Variants in OSBPL8 observed in about 807,000 individuals in gnomAD.
OSBPL8 encodes the protein oxysterol binding protein like 8.
A neutral mutation model predicts 125.5 loss-of-function variants in OSBPL8; 59 were observed. The ratio of observed to expected loss-of-function variants is 0.47; its 90% confidence interval spans 0.38 to 0.58. The LOEUF is 0.58. Ranked by LOEUF, OSBPL8 falls within the 20% of genes least tolerant of loss-of-function variation. OSBPL8 has a pLI of 0.00. For missense variants in OSBPL8, 758 were observed against 1,047.8 expected, an observed-to-expected ratio of 0.72 and a Z score of 3.82; for synonymous variants, 330 against 338.9, an observed-to-expected ratio of 0.97 and a Z score of 0.29.
At chr12:76,483,828 C>T (rs1034665258) in intron 2 of OSBPL8, among the ~76,000 whole-genome samples, 8 of 151,604 alleles carry the variant, frequency 5.3e-5, no homozygotes, top group Admixed American at 1.3e-4. Context: ...GTGCCCGCCA[C>T]GCCACCTGGC....
intron 21 of OSBPL8, among the ~76,000 whole-genome samples, chr12:76,362,350 C>T (rs1221998874): frequency 6.6e-6 from 1 of 152,146 alleles, no homozygotes; most frequent in African/African-American, 2.4e-5. Context: ...AAGTCGGTTT[C>T]ATCCTTGGGA....
In OSBPL8 at chr12:76,392,766, G is replaced by C. The variant is rs752235338; in HGVS notation, c.758-14C>G. 2 of 1,590,024 alleles carry C rather than the reference G, an allele frequency of 1.3e-6. No homozygotes were observed. Among genetic ancestry groups the C allele is most frequent in the South Asian group, 1.1e-5 (1 of 88,386 alleles). On this transcript the variant is annotated splice_polypyrimidine_tract_variant and intron_variant, in intron 9 of 23. Coordinates refer to ENST00000261183, the MANE Select transcript of OSBPL8 (RefSeq NM_020841.5). ...TCCAGCACCTTCCTAAAAGAACACA[G>C]ATTCATAAGCACTATAATTTTTAAA... is the stretch of plus-strand genomic sequence containing the variant.
At chr12:76,492,252 A>G (rs1878797212) in intron 1 of OSBPL8, among the ~76,000 whole-genome samples, 3 of 152,168 alleles carry the variant, frequency 2.0e-5, no homozygotes, top group Admixed American at 1.3e-4. Flanking sequence ...TATCTGAGGG[A>G]AGAGTCTGCA....
Position 76,363,102 on chromosome 12 carries a change from C to G in OSBPL8, c.2329-4291G>C, listed in dbSNP as rs183344945. ...AATCAATATCGTGAAAATGGCCATA[C>G]GGCCATAAGTAATTTACAGATTCAG... On this transcript the variant is annotated intron_variant, in intron 21 of 23. Coordinates refer to ENST00000261183, the MANE Select transcript of OSBPL8 (RefSeq NM_020841.5). Among the ~76,000 whole-genome samples the G allele has an allele frequency of 1.4e-3, 206 of 152,326 alleles. 1 individual carries two copies. Among genetic ancestry groups the G allele is most frequent in the Admixed American group, 2.4e-3 (36 of 15,302 alleles).
At chr12:76,452,039 C>T (rs1218561451) in intron 3 of OSBPL8, among the ~76,000 whole-genome samples, 3 of 151,828 alleles carry the variant, frequency 2.0e-5, no homozygotes, top group Non-Finnish European at 4.4e-5. Flanking sequence ...ATCGCTTGAA[C>T]CTGGGGGGCA....
chr12:76,458,981 G>A lies in OSBPL8; in HGVS notation c.79+878C>T, dbSNP rs1351004259. On this transcript the variant is annotated intron_variant, in intron 3 of 23. Coordinates refer to ENST00000261183, the MANE Select transcript of OSBPL8 (RefSeq NM_020841.5). The stretch of plus-strand genomic sequence containing the variant: ...ATTTTCTATATTATTCATCAATGAA[G>A]TTAAAAATCTTCATCTATGATGCAG... Among the ~76,000 whole-genome samples the A allele has an allele frequency of 9.9e-5, 15 of 152,168 alleles. No individual in the cohort carries two copies. In the East Asian group the frequency reaches 2.9e-3, roughly 29 times the overall value.
intron 2 of OSBPL8, chr12:76,486,093 C>T: frequency 2.5e-6 from 1 of 401,582 alleles, no homozygotes; most frequent in Non-Finnish European, 4.9e-6. Context: ...CAAGAATTTC[C>T]ACACCCATTT....
chr12:76,547,660 C>G (rs1344828120), intron 1 of OSBPL8, among the ~76,000 whole-genome samples: 1 of 152,092 alleles, frequency 6.6e-6, no homozygotes, highest in African/African-American at 2.4e-5. Context: ...AGAATAACCC[C>G]TCACCCATCT....
At position 76,373,318 on chromosome 12, in the gene OSBPL8, G is replaced by C. The variant is rs778704715; in HGVS notation, c.1917+26C>G. The C allele has an allele frequency of 5.2e-5, 71 of 1,360,728 alleles. 1 individual carries two copies. The South Asian group carries it at 7.3e-4, about 14-fold the overall frequency. 84.3% of individuals were successfully genotyped at this position (1,360,728 alleles called of 1,614,324 possible). A position where few individuals can be genotyped will look rare whatever the true frequency, so the allele number is the denominator to read the frequency against. On this transcript the variant is annotated intron_variant, in intron 18 of 23. Coordinates refer to ENST00000261183, the MANE Select transcript of OSBPL8 (RefSeq NM_020841.5). ...TTTCCCACAGAATAAAATTCTTTTT[G>C]TAAAGCTCATATACAAAATACTTAC... is the stretch of plus-strand genomic sequence containing the variant.
chr12:76,512,295 G>A (rs954800756), intron 1 of OSBPL8, among the ~76,000 whole-genome samples: 1 of 152,184 alleles, frequency 6.6e-6, no homozygotes, highest in Non-Finnish European at 1.5e-5. Context: ...TCTCACAAAA[G>A]ACATGATCTA....
intron 21 of OSBPL8, among the ~76,000 whole-genome samples, chr12:76,367,898 A>T (rs1952480833): frequency 6.6e-6 from 1 of 152,250 alleles, no homozygotes; most frequent in Non-Finnish European, 1.5e-5. Context: ...TATGTCTGAT[A>T]ACAAAGATAT....
At chr12:76,497,060 T>C (rs1879352331) in intron 1 of OSBPL8, among the ~76,000 whole-genome samples, 1 of 152,240 alleles carries the variant, frequency 6.6e-6, no homozygotes, top group South Asian at 2.1e-4. Flanking sequence ...AGAGACTCGG[T>C]TATGTACATT....
intron 1 of OSBPL8, among the ~76,000 whole-genome samples, chr12:76,551,799 T>G (rs572807244): frequency 6.6e-6 from 1 of 152,336 alleles, no homozygotes; most frequent in South Asian, 2.1e-4. Context: ...CAGTCTCGAC[T>G]ACCTCGTCTA....
At chr12:76,499,350 C>CTATCT (rs71082312) in intron 1 of OSBPL8, among the ~76,000 whole-genome samples, 7 of 107,478 alleles carry the variant, frequency 6.5e-5, no homozygotes, top group Admixed American at 1.0e-4. Flanking sequence ...ATCTATCTAT[C>CTATCT]ATCTATCTAT....
intron 1 of OSBPL8, among the ~76,000 whole-genome samples, chr12:76,515,891 G>A (rs1217179607): frequency 6.6e-6 from 1 of 151,894 alleles, no homozygotes; most frequent in East Asian, 1.9e-4. Flanking sequence ...AGCCATCTTG[G>A]TGACCCCCCC....
At chr12:76,432,025 A>G (rs536222911) in intron 4 of OSBPL8, among the ~76,000 whole-genome samples, 1 of 152,348 alleles carries the variant, frequency 6.6e-6, no homozygotes, top group African/African-American at 2.4e-5. Context: ...AATAATATCA[A>G]GTATCTTTAT....
chr12:76,544,363 G>A (rs935387527), intron 1 of OSBPL8, among the ~76,000 whole-genome samples: 1 of 152,110 alleles, frequency 6.6e-6, no homozygotes, highest in Non-Finnish European at 1.5e-5. Context: ...ATTCTCAAAA[G>A]ATATAATTTG....
At chr12:76,368,248 C>T (rs1952492338) in intron 21 of OSBPL8, among the ~76,000 whole-genome samples, 1 of 152,108 alleles carries the variant, frequency 6.6e-6, no homozygotes, top group South Asian at 2.1e-4. Context: ...TGCCTTCTGG[C>T]CCCCATGGTT....
chr12:76,385,896 C>CAA, intron 14 of OSBPL8: 43 of 242,322 alleles, frequency 1.8e-4, no homozygotes, highest in South Asian at 3.0e-4. Context: ...TGAGCTCAGC[C>CAA]AAAAAAAAAA....
Sources: allele counts gnomAD v4.1 joint callset (sites outside exome capture counted in the v4.1 genomes callset), GRCh38; gene constraint gnomAD v4.1.1; transcripts MANE v1.5; gene names NCBI Gene and HGNC (gene_info 2026-07-23, HGNC 2026-07-21).